The following NCK2 variants were observed in gnomAD, a reference collection of about 807,000 sequenced individuals.
The protein encoded by NCK2 is cytoplasmic protein NCK2.
In NCK2, 16 loss-of-function variants were observed where a neutral mutation model predicts 33.9. The ratio of observed to expected loss-of-function variants is 0.47; its 90% CI spans 0.32 to 0.72. NCK2 has a LOEUF of 0.72. NCK2 is among the 30% of genes least tolerant of loss of function. NCK2 has a pLI of 0.03. For missense variants in NCK2, 418 were observed against 537.3 expected (o/e 0.78, Z 2.19); for synonymous variants, 273 against 239.9 (o/e 1.14, Z -1.27).
At chr2:105,766,883 T>C (rs1163371837) in intron 1 of NCK2, among the ~76,000 whole-genome samples, 1 of 152,236 alleles carries the variant, frequency 6.6e-6, no homozygotes, top group Non-Finnish European at 1.5e-5. Context: ...CAAATTAGTT[T>C]AGTAACTGGC....
chr2:105,786,518 G>A (rs571462503), intron 1 of NCK2, among the ~76,000 whole-genome samples: 4 of 152,354 alleles, frequency 2.6e-5, no homozygotes, highest in African/African-American at 9.6e-5. Context: ...ATGAGATGCT[G>A]AGTCGGTTCC....
upstream of NCK2, chr2:105,744,871 C>CCGCCGCCGCCGG: frequency 6.3e-6 from 1 of 159,800 alleles, no homozygotes; most frequent in Non-Finnish European, 1.3e-5. Flanking sequence ...AGGGTCGCCG[C>CCGCCGCCGCCGG]CGCCGCCGCC....
At chr2:105,870,673 T>TG (rs1364839901) in intron 3 of NCK2, among the ~76,000 whole-genome samples, 1 of 152,112 alleles carries the variant, frequency 6.6e-6, no homozygotes, top group African/African-American at 2.4e-5. Flanking sequence ...AAGAATCGCT[T>TG]GAACCTGGGA....
intron 3 of NCK2, among the ~76,000 whole-genome samples, chr2:105,858,966 A>G (rs1677402641): frequency 6.6e-6 from 1 of 152,232 alleles, no homozygotes. Flanking sequence ...ATGATCAAGA[A>G]CTGTTTCTGC....
At chr2:105,772,446 A>C (rs897005808) in intron 1 of NCK2, among the ~76,000 whole-genome samples, 6 of 152,000 alleles carry the variant, frequency 3.9e-5, no homozygotes, top group African/African-American at 1.4e-4. Flanking sequence ...ACTTTAGCCC[A>C]CCTGATGTCC....
intron 4 of NCK2, 40 bp from the exon 5 acceptor site, chr2:105,892,942 G>T: frequency 6.4e-7 from 1 of 1,554,668 alleles, no homozygotes; most frequent in Non-Finnish European, 8.8e-7. Context: ...ACAGCTCCCC[G>T]CTGTGGCCCG....
At chr2:105,780,929 G>T (rs548580154) in intron 1 of NCK2, among the ~76,000 whole-genome samples, 1 of 152,288 alleles carries the variant, frequency 6.6e-6, no homozygotes, top group African/African-American at 2.4e-5. Context: ...CCACCATTCT[G>T]TGGTATTTTG....
chr2:105,857,595 G>A lies in NCK2; in HGVS notation c.226+2306G>A, dbSNP rs189103595. 1.1e-4 allele frequency among the ~76,000 whole-genome samples: 16 copies of A among 152,272 alleles called. No homozygotes were observed. In the East Asian group the frequency reaches 2.9e-3, roughly 28 times the overall value. On this transcript the variant is annotated intron_variant, in intron 3 of 4. Transcript: ENST00000233154. ...GTCTCAGTTCAGGCAAGCAGTTCTT[G>A]GGAAACATTCCTGTTAAGCATTAGC...
intron 2 of NCK2, among the ~76,000 whole-genome samples, chr2:105,825,963 T>G (rs1393778936): frequency 6.6e-6 from 1 of 152,222 alleles, no homozygotes; most frequent in Non-Finnish European, 1.5e-5. Context: ...CCAAAGTGAT[T>G]GCATTACATC....
chr2:105,880,936 ATTTTTTTTTTTTTTTT>A (rs59005322), intron 3 of NCK2, among the ~76,000 whole-genome samples: 67 of 103,562 alleles, frequency 6.5e-4, no homozygotes, highest in African/African-American at 1.7e-3. Context: ...CAGGTGGCTA[ATTTTTTTTTTTTTTTT>A]TTTTTTTTTT....
intron 3 of NCK2, among the ~76,000 whole-genome samples, chr2:105,880,340 G>C (rs1275512342): frequency 6.6e-6 from 1 of 152,310 alleles, no homozygotes; most frequent in Non-Finnish European, 1.5e-5. Flanking sequence ...ATTTGCCTTC[G>C]ATTGAAGGTA....
chr2:105,747,865 C>A (rs1689337633), intron 1 of NCK2, among the ~76,000 whole-genome samples: 2 of 152,174 alleles, frequency 1.3e-5, no homozygotes, highest in African/African-American at 4.8e-5. Flanking sequence ...TCGTGACGGC[C>A]TTTTAACGGG....
chr2:105,825,777 A>G (rs987047827), intron 2 of NCK2, among the ~76,000 whole-genome samples: 1 of 152,212 alleles, frequency 6.6e-6, no homozygotes, highest in African/African-American at 2.4e-5. Context: ...GGCAGTAAAT[A>G]TACACTCTGC....
At chr2:105,760,816 C>G (rs887976258) in intron 1 of NCK2, among the ~76,000 whole-genome samples, 1 of 152,062 alleles carries the variant, frequency 6.6e-6, no homozygotes, top group South Asian at 2.1e-4. Flanking sequence ...GGCAGAGACA[C>G]CGAGACCCCA....
chr2:105,794,288 G>C (rs1690999169), intron 1 of NCK2, among the ~76,000 whole-genome samples: 1 of 152,036 alleles, frequency 6.6e-6, no homozygotes, highest in African/African-American at 2.4e-5. Flanking sequence ...CTGACCGCAA[G>C]TGATCCGCCC....
intron 1 of NCK2, among the ~76,000 whole-genome samples, chr2:105,778,684 T>A (rs891412317): frequency 2.0e-5 from 3 of 152,214 alleles, no homozygotes; most frequent in Non-Finnish European, 4.4e-5. Flanking sequence ...ACTGGTTATG[T>A]GTATCAATTG....
intron 2 of NCK2, among the ~76,000 whole-genome samples, chr2:105,840,702 A>G (rs146787727): frequency 7.1e-4 from 108 of 152,342 alleles, no homozygotes; most frequent in East Asian, 5.8e-4. Flanking sequence ...GGTTCAATTA[A>G]TTTGCTAGAG....
chr2:105,811,489 C>G lies in NCK2; in HGVS notation c.-200-4941C>G, dbSNP rs991865080. Reference sequence around the variant, plus strand: ...CCTTAGAATGACCTTGTGTGGCAGACGTACCTGAATGTGTGTTCCCAGCTA... The same window carrying G: ...CCTTAGAATGACCTTGTGTGGCAGAGGTACCTGAATGTGTGTTCCCAGCTA... On this transcript the variant is annotated intron_variant, in intron 1 of 4. Transcript: ENST00000233154. 1.3e-4 allele frequency among the ~76,000 whole-genome samples: 20 copies of G among 152,314 alleles called. 1 individual carries two copies. Among genetic ancestry groups the G allele is most frequent in the African/African-American group, 4.8e-4 (20 of 41,566 alleles).
At chr2:105,857,668 T>C (rs1288914472) in intron 3 of NCK2, among the ~76,000 whole-genome samples, 2 of 152,234 alleles carry the variant, frequency 1.3e-5, no homozygotes, top group Non-Finnish European at 2.9e-5. Context: ...CTTTATTGAG[T>C]ATAGCAGTTG....
Sources: allele counts gnomAD v4.1 joint callset (sites outside exome capture counted in the v4.1 genomes callset), GRCh38; gene constraint gnomAD v4.1.1; transcripts MANE v1.5; gene names NCBI Gene and HGNC (gene_info 2026-07-23, HGNC 2026-07-21).